Variants in CACNA1B observed in about 807,000 individuals in gnomAD.
CACNA1B encodes the protein calcium voltage-gated channel subunit alpha1 B, also known as voltage-dependent N-type calcium channel subunit alpha-1B.
CACNA1B carries 70 observed loss-of-function variants against 247.2 expected under a neutral mutation model. The observed-to-expected ratio is 0.28, with a 90% confidence interval of 0.23 to 0.35. CACNA1B has a LOEUF of 0.35. CACNA1B is among the 10% of genes least tolerant of loss of function. The pLI is 1.00. For missense variants in CACNA1B, 2,367 were observed against 3,197.4 expected (o/e 0.74, Z 6.26); for synonymous variants, 1,231 against 1,294.4 (o/e 0.95, Z 1.05).
intron 18 of CACNA1B, among the ~76,000 whole-genome samples, chr9:138,017,550 G>T (rs1467066121): frequency 6.6e-6 from 1 of 152,230 alleles, no homozygotes; most frequent in Non-Finnish European, 1.5e-5. Flanking sequence ...GTTCCCATGA[G>T]GTCAGGGCCC....
rs116167334 is a variant in CACNA1B at position 137,918,284 on chromosome 9, C to T, written c.966+853C>T. On this transcript the variant is annotated intron_variant, in intron 6 of 46. Coordinates refer to ENST00000371372, the MANE Select transcript of CACNA1B (RefSeq NM_000718.4). ...TCCCTTCTTGGTGGAGTCTCCCATC[C>T]CCCCACCACCGACTCTTGAGCAGAT... 7.9e-3 allele frequency among the ~76,000 whole-genome samples: 1,205 copies of T among 152,124 alleles called. 14 individuals carry two copies. Among genetic ancestry groups the T allele is most frequent in the African/African-American group, 0.028 (1,158 of 41,480 alleles).
chr9:138,015,551 C>T lies in CACNA1B; in HGVS notation c.2267+2316C>T, dbSNP rs1958781022. On this transcript the variant is annotated intron_variant, in intron 18 of 46. Transcript: ENST00000371372. Reference sequence around the variant, plus strand: ...TGCTGGGCTGTGCGAGAGCAGTGCCCTTGAGTACCCTTCACCCTTCTGCCC... The same window carrying T: ...TGCTGGGCTGTGCGAGAGCAGTGCCTTTGAGTACCCTTCACCCTTCTGCCC... Among the ~76,000 whole-genome samples the T allele has an allele frequency of 2.6e-5, 4 of 152,210 alleles. No individual in the cohort carries two copies. In the South Asian group the frequency reaches 8.3e-4, roughly 32 times the overall value.
At chr9:138,041,083 T>C (rs1959114884) in intron 20 of CACNA1B, among the ~76,000 whole-genome samples, 1 of 152,162 alleles carries the variant, frequency 6.6e-6, no homozygotes, top group Non-Finnish European at 1.5e-5. Flanking sequence ...CCCTAACCTG[T>C]GGGGACTCTG....
chr9:138,104,354 G>A (rs974146850), intron 38 of CACNA1B, among the ~76,000 whole-genome samples: 3 of 152,084 alleles, frequency 2.0e-5, no homozygotes, highest in Non-Finnish European at 2.9e-5. Flanking sequence ...TCACCTGCCT[G>A]CTCTGCCCTC....
chr9:138,022,805 T>TTG (rs1434549598), intron 18 of CACNA1B, among the ~76,000 whole-genome samples: 1 of 132,046 alleles, frequency 7.6e-6, no homozygotes, highest in East Asian at 2.1e-4. Flanking sequence ...TGGGACACCG[T>TTG]GGGGGGGGGG....
At chr9:137,936,571 T>G (rs1319924630) in intron 6 of CACNA1B, among the ~76,000 whole-genome samples, 2 of 152,236 alleles carry the variant, frequency 1.3e-5, no homozygotes, top group African/African-American at 4.8e-5. Context: ...ATGTCCTGAA[T>G]GGTATTGCCT....
intron 3 of CACNA1B, among the ~76,000 whole-genome samples, chr9:137,909,863 C>T (rs372239647): frequency 3.9e-5 from 6 of 152,012 alleles, no homozygotes; most frequent in South Asian, 2.1e-4. Context: ...CTCCACCTCT[C>T]GGGTTCAAGT....
intron 31 of CACNA1B, among the ~76,000 whole-genome samples, chr9:138,066,556 G>A (rs969161372): frequency 3.3e-5 from 5 of 152,172 alleles, no homozygotes; most frequent in Admixed American, 6.6e-5. Flanking sequence ...AGCCAGTGTG[G>A]ACAGAAGCAG....
rs1961280610 is a variant in CACNA1B, at chr9:138,102,398, G to T, written c.5223-313G>T. ...GAAATTATCAACCCAAAGCCGCCCC[G>T]ATGCAGCCCTTCCTCACCCCTCCAT... is the stretch of plus-strand genomic sequence containing the variant. On this transcript the variant is annotated intron_variant, in intron 37 of 46. Transcript: ENST00000371372. The surrounding 1 kb of genome is among the most constrained non-coding windows in gnomAD (Gnocchi z 5.4). 1.3e-5 allele frequency among the ~76,000 whole-genome samples: 2 copies of T among 151,964 alleles called. No individual in the cohort carries two copies. Among genetic ancestry groups the T allele is most frequent in the African/African-American group, 4.8e-5 (2 of 41,368 alleles).
At chr9:138,117,257 C>T (rs1215179458) in intron 42 of CACNA1B, among the ~76,000 whole-genome samples, 3 of 144,432 alleles carry the variant, frequency 2.1e-5, no homozygotes, top group South Asian at 2.2e-4. Flanking sequence ...AGCAGAGAGC[C>T]GAGGGATGGA....
Position 137,914,785 on chromosome 9 carries a change from G to A in CACNA1B, c.754G>A (p.Ala252Thr). 1 of 1,613,948 alleles carries A rather than the reference G, an allele frequency of 6.2e-7. No individual in the cohort carries two copies. Among genetic ancestry groups the A allele is most frequent in the Non-Finnish European group, 8.5e-7 (1 of 1,179,884 alleles). ...GTTCTACATGGGCAAGTTCCACAAG[G>A]CCTGTTTCCCCAACAGCACAGGTGA... ...LEFYMGKFHK[A>T]CFPNSTDAEP... is the part of the protein sequence containing the mutation. Residue 252 changes from alanine to threonine, a missense_variant, in exon 5 of 47, where the codon GCC (alanine) becomes ACC (threonine). Physicochemically the swap from Ala to Thr is moderately conservative, Grantham distance 58 (BLOSUM62 0). Coordinates refer to ENST00000371372, the MANE Select transcript of CACNA1B (RefSeq NM_000718.4). This position sits in a 1 kb window ranked among gnomAD's most constrained non-coding sequence, Gnocchi z 4.3.
chr9:138,062,148 CA>C (rs751536118), intron 31 of CACNA1B, among the ~76,000 whole-genome samples: 44 of 152,310 alleles, frequency 2.9e-4, no homozygotes, highest in Non-Finnish European at 6.0e-4. Context: ...GGATCCTGAC[CA>C]GCCGTTTGTG....
At chr9:137,933,081 T>C (rs948654580) in intron 6 of CACNA1B, among the ~76,000 whole-genome samples, 2 of 152,124 alleles carry the variant, frequency 1.3e-5, no homozygotes, top group African/African-American at 2.4e-5. Flanking sequence ...TACAGGCGCG[T>C]GCCACCACGC....
chr9:137,941,530 T>C (rs1172587617), intron 6 of CACNA1B, among the ~76,000 whole-genome samples: 1 of 152,090 alleles, frequency 6.6e-6, no homozygotes, highest in Admixed American at 6.6e-5. Flanking sequence ...ACAAATTCAA[T>C]GCAGTTCCCA....
intron 12 of CACNA1B, among the ~76,000 whole-genome samples, chr9:137,979,842 C>T (rs1171803067): frequency 4.6e-5 from 7 of 152,184 alleles, no homozygotes; most frequent in Non-Finnish European, 1.5e-5. Context: ...TATCTACACT[C>T]AACATTCAGT....
At chr9:137,975,803 C>G in intron 11 of CACNA1B, 104 bp from the exon 12 acceptor site, 1 of 736,496 alleles carries the variant, frequency 1.4e-6, no homozygotes, top group Admixed American at 2.1e-5. Flanking sequence ...GCCTGGAAGG[C>G]TCAGCCCTGG....
rs145184950 is a variant in CACNA1B, at chr9:137,906,387, A to T, written c.531-6793A>T. Among the ~76,000 whole-genome samples, 393 of 152,250 alleles carry T rather than the reference A, an allele frequency of 2.6e-3. 2 individuals are homozygous for T. Among genetic ancestry groups the T allele is most frequent in the East Asian group, 0.017 (88 of 5,182 alleles). On this transcript the variant is annotated intron_variant, in intron 3 of 46. Coordinates refer to ENST00000371372, the MANE Select transcript of CACNA1B (RefSeq NM_000718.4). ...CTTTTCCTCCTATGTAATTTGTCTT[A>T]CTTGGGAATGGAATTGGAGCTTTGC...
At chr9:138,067,566 G>A (rs994934781) in intron 31 of CACNA1B, among the ~76,000 whole-genome samples, 3 of 152,234 alleles carry the variant, frequency 2.0e-5, no homozygotes, top group African/African-American at 7.2e-5. Context: ...AGGCATGATG[G>A]CGCACGCCTG....
rs1962138586 is a variant in CACNA1B, at chr9:138,122,548, C to A, written c.*549C>A. On this transcript the variant is annotated 3_prime_UTR_variant, in exon 47 of 47. Coordinates refer to ENST00000371372, the MANE Select transcript of CACNA1B (RefSeq NM_000718.4). ...CTGGACACCGTCAGCCCCACAGGAA[C>A]CGAGCTGGGAAGTGTTCTTGCTGTG... The A allele has an allele frequency of 6.4e-6, 1 of 155,160 alleles. No homozygotes were observed. 9.6% of individuals were successfully genotyped at this position (155,160 alleles called of 1,614,324 possible). A position where few individuals can be genotyped will look rare whatever the true frequency, so the allele number is the denominator to read the frequency against.
Sources: gnomAD v4.1 joint callset for allele counts (sites outside exome capture counted in the v4.1 genomes callset) on GRCh38, gnomAD v4.1.1 for gene constraint, Gnocchi (gnomAD v3.1) non-coding constraint, MANE v1.5 for transcripts, NCBI Gene and HGNC (gene_info 2026-07-23, HGNC 2026-07-21) for gene names.